SYNE1: variants seen among roughly 807,000 people sequenced by gnomAD.
The protein encoded by SYNE1 is nesprin-1.
Under a neutral mutation model 1,111.0 loss-of-function variants are expected in SYNE1, and 616 were observed. The observed-to-expected ratio is 0.55, with a 90% confidence interval of 0.52 to 0.59. The LOEUF is 0.59. Among genes scored for constraint, SYNE1 ranks in the 20% least tolerant of loss-of-function variants. The pLI is 0.00. For synonymous variants in SYNE1, 3,855 were observed against 3,825.8 expected, an observed-to-expected ratio of 1.01 and a Z score of -0.28; for missense variants, 10,006 against 10,417.0, an observed-to-expected ratio of 0.96 and a Z score of 1.72.
intron 21 of SYNE1, among the ~76,000 whole-genome samples, chr6:152,460,466 T>C (rs1249879126): frequency 6.6e-6 from 1 of 152,210 alleles, no homozygotes; most frequent in East Asian, 1.9e-4. Flanking sequence ...CTACCACTGA[T>C]GTCACAGAGG....
intron 140 of SYNE1, among the ~76,000 whole-genome samples, chr6:152,137,828 T>C (rs2057416755): frequency 6.6e-6 from 1 of 152,172 alleles, no homozygotes; most frequent in Non-Finnish European, 1.5e-5. Context: ...CTGTGGAAAA[T>C]ACTTGATTAT....
chr6:152,189,304 A>G lies in SYNE1; in HGVS notation c.23249T>C (p.Leu7750Pro). 2 of 1,614,072 alleles carry G rather than the reference A, an allele frequency of 1.2e-6. No individual in the cohort carries two copies. The highest frequency in any genetic ancestry group is 1.7e-6 in the Non-Finnish European group (2 of 1,179,996). Residue 7750 changes from leucine (L) to proline (P), a missense_variant, in exon 128 of 146, where the codon CTT (leucine) becomes CCT (proline). This residue lies in a region of SYNE1 where 2,182 missense variants were observed against 2,287.8 expected (regional missense o/e 0.95). Transcript: ENST00000367255. Reference sequence around the variant, plus strand: ...TTGCAGAAGCTCTACGCGTTCATTAAGAATGGAGATATCATCAGCACTGAT... The same window carrying G: ...TTGCAGAAGCTCTACGCGTTCATTAGGAATGGAGATATCATCAGCACTGAT... ...AYISADDISI[L>P]NERVELLQRQ... is the part of the protein sequence containing the mutation.
intron 140 of SYNE1, among the ~76,000 whole-genome samples, chr6:152,137,607 T>G (rs942717654): frequency 6.6e-6 from 1 of 152,152 alleles, no homozygotes; most frequent in African/African-American, 2.4e-5. Context: ...GAGTCTGTAT[T>G]AGTAATTGAG....
At position 152,472,473 on chromosome 6, in the gene SYNE1, A is replaced by C. The variant is rs547005849; in HGVS notation, c.1351-60T>G. The C allele has an allele frequency of 3.3e-6, 5 of 1,496,068 alleles. No homozygotes were observed. The South Asian group carries it at 5.7e-5, about 17-fold the overall frequency. 92.7% of individuals were successfully genotyped at this position (1,496,068 alleles called of 1,614,324 possible). ...AAACATGTTTCACAGAGGGCTAAGA[A>C]GCATAATTTCCAGCCCGCACCGATG... On this transcript the variant is annotated intron_variant, in intron 14 of 145. Transcript: ENST00000367255.
intron 114 of SYNE1, among the ~76,000 whole-genome samples, chr6:152,230,961 A>C (rs2082634297): frequency 6.6e-6 from 1 of 152,162 alleles, no homozygotes; most frequent in African/African-American, 2.4e-5. Context: ...AAAAAATTGC[A>C]AAAGAATCTC....
intron 132 of SYNE1, 166 bp from the exon 133 acceptor site, chr6:152,155,208 C>T (rs2061165205): frequency 1.5e-6 from 1 of 687,966 alleles, no homozygotes; most frequent in Non-Finnish European, 2.4e-6. Flanking sequence ...AGAGAGACAA[C>T]TGCTTGAGCT....
chr6:152,382,954 A>G (rs2097449636), intron 55 of SYNE1, among the ~76,000 whole-genome samples: 1 of 152,212 alleles, frequency 6.6e-6, no homozygotes, highest in Admixed American at 6.5e-5. Flanking sequence ...ACATACACAC[A>G]TATGTACATT....
chr6:152,511,361 T>C lies in SYNE1; in HGVS notation c.310-258A>G, dbSNP rs538096260. The stretch of plus-strand genomic sequence containing the variant: ...CTTCTTTTGTTTAAAGTTGAAAAAA[T>C]ATAACATGCAGGCAATTACCAACAA... On this transcript the variant is annotated intron_variant, in intron 6 of 145. Transcript: ENST00000367255. 1.2e-4 allele frequency among the ~76,000 whole-genome samples: 19 copies of C among 152,044 alleles called. No homozygotes were observed. In the South Asian group the frequency reaches 4.0e-3, roughly 32 times the overall value.
Position 152,430,501 on chromosome 6 carries a change from A to C in SYNE1, c.4670T>G (p.Phe1557Cys), listed in dbSNP as rs373642960. Residue 1557 changes from phenylalanine (F) to cysteine (C), a missense_variant, in exon 35 of 146, where the codon TTT becomes TGT. Coordinates refer to ENST00000367255, the MANE Select transcript of SYNE1 (RefSeq NM_182961.4). ...ILGHLSQQQK[F>C]EENLRKIQQS... ...TCTTACCTTTCTAAGGTTCTCTTCA[A>C]ACTTTTGCTGCTGAGATAAATGTCC... The C allele has an allele frequency of 3.1e-6, 5 of 1,613,900 alleles. No homozygotes were observed. The African/African-American group carries it at 6.7e-5, about 22-fold the overall frequency.
rs1415636574 is a variant in SYNE1 at position 152,236,938 on chromosome 6, T to C, written c.20078A>G (p.His6693Arg). The part of the protein sequence containing the change: ...ELEYILETWS[H>R]LDEDQQELSR... ...GAGCTCCTGCTGGTCCTCATCCAGA[T>C]GGGACCACGTCTAGAAACACAACAT... The change falls in exon 109 of 146, where the codon CAT becomes CGT. Residue 6693 changes from histidine to arginine, a missense_variant. Transcript: ENST00000367255. 2 of 1,614,042 alleles carry C rather than the reference T, an allele frequency of 1.2e-6. No homozygotes were observed. The highest frequency in any genetic ancestry group is 2.2e-5 in the South Asian group (2 of 91,062).
At chr6:152,592,558 C>G (rs1160806603) in intron 3 of SYNE1, among the ~76,000 whole-genome samples, 1 of 145,758 alleles carries the variant, frequency 6.9e-6, no homozygotes, top group Non-Finnish European at 1.5e-5. Context: ...ACACTATAGA[C>G]TACTAGAAGG....
chr6:152,376,850 A>T lies in SYNE1; in HGVS notation c.9072T>A (p.Asn3024Lys). The change falls in exon 57 of 146, where the codon AAT (asparagine) becomes AAA (lysine). Residue 3024 changes from asparagine to lysine, a missense_variant. Physicochemically the swap from Asn to Lys is moderately conservative, Grantham distance 94 (BLOSUM62 0). Coordinates refer to ENST00000367255, the MANE Select transcript of SYNE1 (RefSeq NM_182961.4). The part of the protein sequence containing the change: ...PRTEDLKSQL[N>K]ELCRFSRDLS... ...GGTCTCTGGAAAATCGACAAAGTTC[A>T]TTCAGCTGAGACTTGAGATCCTCTG... 1 of 1,614,150 alleles carries T rather than the reference A, an allele frequency of 6.2e-7. No individual in the cohort carries two copies. Among genetic ancestry groups the T allele is most frequent in the Non-Finnish European group, 8.5e-7 (1 of 1,180,010 alleles).
At chr6:152,200,761 A>G (rs2075250599) in intron 127 of SYNE1, among the ~76,000 whole-genome samples, 1 of 152,200 alleles carries the variant, frequency 6.6e-6, no homozygotes, top group African/African-American at 2.4e-5. Context: ...TAACCATTGC[A>G]TACTTCTGAA....
At chr6:152,615,088 C>T (rs1020784010) in intron 3 of SYNE1, among the ~76,000 whole-genome samples, 3 of 151,998 alleles carry the variant, frequency 2.0e-5, no homozygotes, top group East Asian at 3.9e-4. Context: ...TACGTATAAA[C>T]CTGCACATGT....
At chr6:152,275,926 C>T (rs2093592010) in intron 98 of SYNE1, among the ~76,000 whole-genome samples, 1 of 150,308 alleles carries the variant, frequency 6.7e-6, no homozygotes, top group South Asian at 2.1e-4. Flanking sequence ...TATGATAAGA[C>T]TAATAATCCC....
intron 4 of SYNE1, among the ~76,000 whole-genome samples, chr6:152,526,413 T>C (rs2099163955): frequency 6.6e-6 from 1 of 152,204 alleles, no homozygotes; most frequent in Non-Finnish European, 1.5e-5. Flanking sequence ...TGCTTGAGCC[T>C]TAATGTATGT....
intron 3 of SYNE1, among the ~76,000 whole-genome samples, chr6:152,605,073 GAAAGA>G: frequency 2.0e-5 from 1 of 49,474 alleles, no homozygotes; most frequent in Non-Finnish European, 4.4e-5. Flanking sequence ...AGGGAGGGAG[GAAAGA>G]AGGAAGGAAG....
In SYNE1 at chr6:152,336,827, A is replaced by G; in HGVS notation, c.12528+14T>C. 1 of 1,611,800 alleles carries G rather than the reference A, an allele frequency of 6.2e-7. No homozygotes were observed. Among genetic ancestry groups the G allele is most frequent in the African/African-American group, 1.3e-5 (1 of 75,044 alleles). On this transcript the variant is annotated intron_variant, in intron 76 of 145. Coordinates refer to ENST00000367255, the MANE Select transcript of SYNE1 (RefSeq NM_182961.4). ...GGCCTCTTTTATCTCCCTTGGGGGC[A>G]AATTAATTCCCACCTTAACTTGTGA... is the stretch of plus-strand genomic sequence containing the variant.
intron 3 of SYNE1, among the ~76,000 whole-genome samples, chr6:152,565,774 TTTTC>T (rs2099411549): frequency 1.3e-5 from 2 of 152,192 alleles, no homozygotes; most frequent in Non-Finnish European, 2.9e-5. Flanking sequence ...TTTCTTGTCC[TTTTC>T]AATTTCTCAC....
Sources: allele counts gnomAD v4.1 joint callset (sites outside exome capture counted in the v4.1 genomes callset), GRCh38; gene constraint gnomAD v4.1.1; regional missense constraint gnomAD v4.1.1; transcripts MANE v1.5; gene names NCBI Gene and HGNC (gene_info 2026-07-23, HGNC 2026-07-21).